Variants in GRIA4 observed in about 807,000 individuals in gnomAD.
GRIA4 encodes glutamate ionotropic receptor AMPA type subunit 4.
Under a neutral mutation model 104.0 loss-of-function variants are expected in GRIA4, and 34 were observed. The ratio of observed to expected loss-of-function variants is 0.33; its 90% CI spans 0.25 to 0.44. The LOEUF (loss-of-function observed/expected upper bound fraction) is 0.44. GRIA4 is among the 20% of genes least tolerant of loss of function. The pLI, the probability that GRIA4 is intolerant of heterozygous loss-of-function variation, is 1.00. For synonymous variants in GRIA4, 386 were observed against 381.9 expected (o/e 1.01, Z -0.13); for missense variants, 750 against 1,096.5 (o/e 0.68, Z 4.46).
intron 3 of GRIA4, among the ~76,000 whole-genome samples, chr11:105,639,013 A>G (rs929155850): frequency 6.6e-6 from 1 of 152,166 alleles, no homozygotes; most frequent in Non-Finnish European, 1.5e-5. Context: ...ATATTTCAGT[A>G]GCATGTCTTC....
intron 5 of GRIA4, among the ~76,000 whole-genome samples, chr11:105,863,526 A>C (rs1029653620): frequency 2.0e-5 from 3 of 152,112 alleles, no homozygotes; most frequent in African/African-American, 4.8e-5. Context: ...ATGTATATGA[A>C]ATTTTTAAAT....
chr11:105,611,693 A>G (rs1950485437), intron 2 of GRIA4, among the ~76,000 whole-genome samples: 1 of 152,020 alleles, frequency 6.6e-6, no homozygotes, highest in African/African-American at 2.4e-5. Context: ...GACACCCTCC[A>G]TCCTTGGCTT....
At chr11:105,755,018 A>G (rs1318037477) in intron 4 of GRIA4, among the ~76,000 whole-genome samples, 1 of 152,132 alleles carries the variant, frequency 6.6e-6, no homozygotes, top group Non-Finnish European at 1.5e-5. Flanking sequence ...TTACAAAACT[A>G]TATTCTACAT....
chr11:105,911,330 A>T (rs185123940), intron 10 of GRIA4, among the ~76,000 whole-genome samples: 114 of 152,144 alleles, frequency 7.5e-4, no homozygotes, highest in African/African-American at 2.6e-3. Context: ...TTCTCTTCTA[A>T]AGTCAAACAT....
At chr11:105,648,105 A>G (rs1484220423) in intron 3 of GRIA4, among the ~76,000 whole-genome samples, 1 of 152,092 alleles carries the variant, frequency 6.6e-6, no homozygotes, top group Non-Finnish European at 1.5e-5. Context: ...CTGTTACAAA[A>G]ATGTGTTTAC....
chr11:105,934,945 A>T (rs1216574756), intron 14 of GRIA4, among the ~76,000 whole-genome samples: 2 of 152,176 alleles, frequency 1.3e-5, no homozygotes, highest in Non-Finnish European at 2.9e-5. Flanking sequence ...TTGCCAAAGG[A>T]CTTAACCAAG....
chr11:105,790,012 C>A (rs1326100933), intron 4 of GRIA4, among the ~76,000 whole-genome samples: 1 of 152,168 alleles, frequency 6.6e-6, no homozygotes, highest in East Asian at 1.9e-4. Flanking sequence ...CACAAGGGGA[C>A]TTTATGCTTC....
intron 4 of GRIA4, among the ~76,000 whole-genome samples, chr11:105,822,777 T>C (rs17104598): frequency 0.024 from 3,679 of 152,180 alleles, 89 homozygotes; most frequent in African/African-American, 0.059. Context: ...AAAAAGAAGA[T>C]GGGGTTAATA....
intron 7 of GRIA4, among the ~76,000 whole-genome samples, chr11:105,898,698 AT>A (rs1337658186): frequency 3.3e-5 from 5 of 152,120 alleles, no homozygotes; most frequent in Non-Finnish European, 7.4e-5. Flanking sequence ...ATTTTTTTTA[AT>A]TGTTAACTAA....
At chr11:105,834,231 TC>T (rs1413159013) in intron 4 of GRIA4, among the ~76,000 whole-genome samples, 7 of 152,172 alleles carry the variant, frequency 4.6e-5, no homozygotes, top group Admixed American at 4.6e-4. Context: ...ATATCCCTAC[TC>T]CATATCTCAA....
At chr11:105,809,971 TC>T (rs1427989367) in intron 4 of GRIA4, among the ~76,000 whole-genome samples, 3 of 152,000 alleles carry the variant, frequency 2.0e-5, no homozygotes, top group African/African-American at 7.2e-5. Context: ...TTTTTTAAAC[TC>T]CCATATATAA....
intron 14 of GRIA4, among the ~76,000 whole-genome samples, chr11:105,967,764 T>G (rs911716013): frequency 1.3e-5 from 2 of 151,976 alleles, no homozygotes; most frequent in South Asian, 4.1e-4. Flanking sequence ...GAGAATAGAT[T>G]GTTGCACTCT....
intron 13 of GRIA4, among the ~76,000 whole-genome samples, chr11:105,928,948 AC>A (rs1414386314): frequency 6.6e-6 from 1 of 152,098 alleles, no homozygotes; most frequent in African/African-American, 2.4e-5. Flanking sequence ...CTGTGCAAGC[AC>A]CATTCCTTGT....
chr11:105,951,117 G>C (rs1948445704), intron 14 of GRIA4, among the ~76,000 whole-genome samples: 2 of 152,132 alleles, frequency 1.3e-5, no homozygotes, highest in South Asian at 2.1e-4. Flanking sequence ...ATTGATGAAA[G>C]TTTTTAGGAG....
intron 3 of GRIA4, among the ~76,000 whole-genome samples, chr11:105,691,305 T>C (rs1043711960): frequency 1.3e-5 from 2 of 152,024 alleles, no homozygotes; most frequent in Non-Finnish European, 2.9e-5. Flanking sequence ...ACAAAAAAAA[T>C]TGTTTCCAGA....
At chr11:105,646,186 G>C (rs1157019908) in intron 3 of GRIA4, among the ~76,000 whole-genome samples, 1 of 152,180 alleles carries the variant, frequency 6.6e-6, no homozygotes, top group Non-Finnish European at 1.5e-5. Context: ...ACCTATCACA[G>C]TCTCTAAAAG....
At chr11:105,916,555 C>T (rs1401477322) in intron 10 of GRIA4, among the ~76,000 whole-genome samples, 2 of 152,186 alleles carry the variant, frequency 1.3e-5, no homozygotes, top group Non-Finnish European at 2.9e-5. Context: ...CCCTATCACC[C>T]AGCAAACTGA....
At chr11:105,943,016 C>G (rs772620899) in intron 14 of GRIA4, among the ~76,000 whole-genome samples, 2 of 152,088 alleles carry the variant, frequency 1.3e-5, no homozygotes, top group African/African-American at 4.8e-5. Flanking sequence ...GTCTGAGATT[C>G]TGAGTCTTAC....
intron 4 of GRIA4, among the ~76,000 whole-genome samples, chr11:105,856,741 A>T (rs1945021546): frequency 6.6e-6 from 1 of 152,176 alleles, no homozygotes; most frequent in South Asian, 2.1e-4. Flanking sequence ...AAATTTTCTT[A>T]TAAGATGTCA....
Sources: gnomAD v4.1 joint callset for allele counts (sites outside exome capture counted in the v4.1 genomes callset) on GRCh38, gnomAD v4.1.1 for gene constraint, MANE v1.5 for transcripts, NCBI Gene and HGNC (gene_info 2026-07-23, HGNC 2026-07-21) for gene names.